RBM33: variants seen among roughly 807,000 people sequenced by gnomAD.
RBM33 encodes the protein RNA-binding protein 33.
A neutral mutation model predicts 132.6 loss-of-function variants in RBM33; 28 were observed. The ratio of observed to expected loss-of-function variants is 0.21; its 90% CI spans 0.16 to 0.29. RBM33 has a LOEUF of 0.29. RBM33 is among the 10% of genes least tolerant of loss of function. The pLI, the probability that RBM33 is intolerant of heterozygous loss-of-function variation, is 1.00. For synonymous variants in RBM33, 634 were observed against 593.0 expected, an observed-to-expected ratio of 1.07 and a Z score of -1.01; for missense variants, 1,291 against 1,518.5, an observed-to-expected ratio of 0.85 and a Z score of 2.49.
At chr7:155,724,990 TTGTGTGTGTGTGTGTGTGTGTGTG>T (rs56739117) in intron 9 of RBM33, among the ~76,000 whole-genome samples, 6 of 123,290 alleles carry the variant, frequency 4.9e-5, no homozygotes, top group African/African-American at 1.7e-4. Flanking sequence ...GTGTACAGGT[TTGTGTGTGTGTGTGTGTGTGTGTG>T]TGTGTGTGTG....
At chr7:155,768,740 G>A (rs979488472) in intron 16 of RBM33, among the ~76,000 whole-genome samples, 5 of 152,070 alleles carry the variant, frequency 3.3e-5, no homozygotes, top group East Asian at 1.9e-4. Context: ...CCTCAGCCTC[G>A]CGAGTAGCTG....
chr7:155,754,980 A>G (rs1193795409), intron 14 of RBM33, among the ~76,000 whole-genome samples: 1 of 152,242 alleles, frequency 6.6e-6, no homozygotes, highest in Non-Finnish European at 1.5e-5. Context: ...AAGAAAGAGA[A>G]TGTGAGCCTG....
chr7:155,673,402 T>TTG (rs200441063), intron 3 of RBM33, among the ~76,000 whole-genome samples: 1,087 of 45,140 alleles, frequency 0.024, 11 homozygotes, highest in East Asian at 0.046. Context: ...TTTATATATA[T>TTG]TGTGTGTGTG....
At position 155,727,921 on chromosome 7, in the gene RBM33, G is replaced by A. The variant is rs554201077; in HGVS notation, c.1260+9478G>A. 1.1e-4 allele frequency among the ~76,000 whole-genome samples: 16 copies of A among 147,324 alleles called. No individual in the cohort carries two copies. The East Asian group carries it at 3.3e-3, about 30-fold the overall frequency. On this transcript the variant is annotated intron_variant, in intron 9 of 17. Transcript: ENST00000401878. The stretch of plus-strand genomic sequence containing the variant: ...TGGGACTACAGGTGTGTCCCACCAT[G>A]CCTGGCTAATTTTTTTTTGTACTTT...
chr7:155,708,538 G>C (rs1224489183), intron 7 of RBM33, among the ~76,000 whole-genome samples: 1 of 152,184 alleles, frequency 6.6e-6, no homozygotes, highest in East Asian at 1.9e-4. Flanking sequence ...TCTCTCACCT[G>C]CCTCCTTAGA....
At chr7:155,716,016 A>G (rs1800449673) in intron 8 of RBM33, among the ~76,000 whole-genome samples, 1 of 151,390 alleles carries the variant, frequency 6.6e-6, no homozygotes, top group South Asian at 2.1e-4. Context: ...GGTTTTTAGT[A>G]TTATAATTAT....
intron 9 of RBM33, among the ~76,000 whole-genome samples, chr7:155,724,129 C>T (rs1800708264): frequency 6.6e-6 from 1 of 152,118 alleles, no homozygotes; most frequent in Admixed American, 6.5e-5. Context: ...TCCTACAAAA[C>T]ACACTGCTTT....
intron 5 of RBM33, among the ~76,000 whole-genome samples, chr7:155,691,559 C>T (rs934809721): frequency 6.6e-6 from 1 of 151,720 alleles, no homozygotes; most frequent in African/African-American, 2.4e-5. Context: ...TGTAGCATAT[C>T]TTAAAATAGG....
At chr7:155,693,332 C>CTTTTTTTT (rs11417256) in intron 5 of RBM33, among the ~76,000 whole-genome samples, 5 of 146,716 alleles carry the variant, frequency 3.4e-5, no homozygotes, top group African/African-American at 5.0e-5. Context: ...ATTTTTTTTT[C>CTTTTTTTT]TTTTTTTTTT....
At chr7:155,645,061 C>T (rs986493336) in intron 1 of RBM33, 142 bp downstream of exon 1, 15 of 547,420 alleles carry the variant, frequency 2.7e-5, no homozygotes, top group African/African-American at 4.0e-5. Flanking sequence ...CCGTTTTCTC[C>T]CTCGCCTTCC....
At chr7:155,737,217 G>A (rs769575653) in intron 9 of RBM33, among the ~76,000 whole-genome samples, 7 of 151,684 alleles carry the variant, frequency 4.6e-5, no homozygotes, top group Admixed American at 1.3e-4. Context: ...CAGGCTAGGT[G>A]TGTAGAAAGC....
At chr7:155,756,987 G>A (rs921381365) in intron 14 of RBM33, among the ~76,000 whole-genome samples, 6 of 152,136 alleles carry the variant, frequency 3.9e-5, no homozygotes, top group African/African-American at 1.4e-4. Context: ...TCAGAGTAAC[G>A]CTTGCCTACT....
Position 155,739,949 on chromosome 7 carries a change from C to T in RBM33, c.1972C>T (p.Arg658Trp), listed in dbSNP as rs371523819. 3.9e-6 allele frequency: 6 copies of T among 1,555,960 alleles called. No homozygotes were observed. The highest frequency in any genetic ancestry group is 5.2e-6 in the Non-Finnish European group (6 of 1,149,382). ...PLMPMSQPQF[R>W]PHVQTAQPQA... ...GATGCCGATGTCTCAGCCACAGTTC[C>T]GGCCTCACGTACAGACCGCTCAGCC... Residue 658 changes from arginine (R) to tryptophan (W), a missense_variant, in exon 12 of 18, where the codon CGG becomes TGG. Arg to Trp is a moderately radical substitution (Grantham distance 101). This residue lies in a region of RBM33 where 841 missense variants were observed against 912.0 expected (regional missense o/e 0.92). Transcript: ENST00000401878.
intron 8 of RBM33, among the ~76,000 whole-genome samples, chr7:155,716,030 G>A (rs1389291555): frequency 6.6e-6 from 1 of 152,152 alleles, no homozygotes; most frequent in Non-Finnish European, 1.5e-5. Context: ...TAATTATAAT[G>A]AATTGAAAAC....
At chr7:155,735,898 C>CT (rs1264761692) in intron 9 of RBM33, among the ~76,000 whole-genome samples, 11 of 152,132 alleles carry the variant, frequency 7.2e-5, no homozygotes, top group Non-Finnish European at 1.2e-4. Context: ...TAATTGATGT[C>CT]TTTATCTAGA....
intron 3 of RBM33, among the ~76,000 whole-genome samples, chr7:155,673,940 G>GTTGTTGTTTT: frequency 2.0e-4 from 11 of 54,194 alleles, no homozygotes; most frequent in South Asian, 7.2e-4. Context: ...TTTAGGCTTA[G>GTTGTTGTTTT]TTTTTTTTTT....
At chr7:155,729,268 C>T (rs1459986587) in intron 9 of RBM33, among the ~76,000 whole-genome samples, 3 of 152,128 alleles carry the variant, frequency 2.0e-5, no homozygotes, top group Admixed American at 6.5e-5. Flanking sequence ...TCCCTCCACT[C>T]GTGGGGATTA....
Position 155,674,686 on chromosome 7 carries a change from A to G in RBM33, c.171+1771A>G, listed in dbSNP as rs1455997050. On this transcript the variant is annotated intron_variant, in intron 3 of 17. Coordinates refer to ENST00000401878, the MANE Select transcript of RBM33 (RefSeq NM_053043.3). ...AATGCTGACTGTTCTGGGGGAAGTC[A>G]TCTTACTTTTCTCAGTTGAGCTGAT... Among the ~76,000 whole-genome samples the G allele has an allele frequency of 2.6e-5, 4 of 152,182 alleles. No individual in the cohort carries two copies. In the East Asian group the frequency reaches 5.8e-4, roughly 22 times the overall value.
Position 155,752,150 on chromosome 7 carries a change from A to G in RBM33, c.2979+6548A>G, listed in dbSNP as rs1425261358. Among the ~76,000 whole-genome samples the G allele has an allele frequency of 2.0e-5, 3 of 152,196 alleles. No homozygotes were observed. The East Asian group carries it at 5.8e-4, about 29-fold the overall frequency. On this transcript the variant is annotated intron_variant, in intron 14 of 17. Transcript: ENST00000401878. ...GGAACATGTCCTCACTTTCTGGTGCAAGAAGATGTTCGAGCTCACCTTGTT... is the reference window on the plus strand; with the variant it reads ...GGAACATGTCCTCACTTTCTGGTGCGAGAAGATGTTCGAGCTCACCTTGTT...
Sources: gnomAD v4.1 joint callset for allele counts (sites outside exome capture counted in the v4.1 genomes callset) on GRCh38, gnomAD v4.1.1 for gene constraint, gnomAD v4.1.1 regional missense constraint, MANE v1.5 for transcripts, NCBI Gene and HGNC (gene_info 2026-07-23, HGNC 2026-07-21) for gene names.